Variants in SPDYA observed in about 807,000 individuals in gnomAD.
SPDYA encodes speedy protein A.
Under a neutral mutation model 36.7 loss-of-function variants are expected in SPDYA, and 11 were observed. The observed-to-expected ratio is 0.30, with a 90% CI of 0.19 to 0.50. SPDYA has a LOEUF of 0.50. SPDYA is among the 20% of genes least tolerant of loss of function. SPDYA has a pLI of 0.98. For synonymous variants in SPDYA, 115 were observed against 118.7 expected, an observed-to-expected ratio of 0.97 and a Z score of 0.20; for missense variants, 287 against 370.9, an observed-to-expected ratio of 0.77 and a Z score of 1.86.
At chr2:28,841,703 GT>G (rs915060044) in intron 7 of SPDYA, among the ~76,000 whole-genome samples, 1 of 152,174 alleles carries the variant, frequency 6.6e-6, no homozygotes, top group Non-Finnish European at 1.5e-5. Flanking sequence ...CTCAGTCATT[GT>G]TCCATTTCTT....
chr2:28,846,131 A>G (rs1040416112), intron 7 of SPDYA, among the ~76,000 whole-genome samples: 4 of 151,984 alleles, frequency 2.6e-5, no homozygotes, highest in Non-Finnish European at 5.9e-5. Flanking sequence ...TTGGCTGGGC[A>G]TGGTGGCTCA....
chr2:28,842,451 G>A lies in SPDYA; in HGVS notation c.850+1982G>A, dbSNP rs191723759. ...CAACAGGAAATTTGAGTGCACCTGG[G>A]GAAGAAGGGGCTGTGCCAGTCAGTA... On this transcript the variant is annotated intron_variant, in intron 7 of 7. Transcript: ENST00000334056. Among the ~76,000 whole-genome samples, 8 of 152,286 alleles carry A rather than the reference G, an allele frequency of 5.3e-5. No individual in the cohort carries two copies. In the East Asian group the frequency reaches 9.7e-4, roughly 18 times the overall value.
chr2:28,824,191 G>C (rs1478846666), intron 5 of SPDYA, among the ~76,000 whole-genome samples: 1 of 151,942 alleles, frequency 6.6e-6, no homozygotes, highest in African/African-American at 2.4e-5. Flanking sequence ...AAAGAAATAG[G>C]ACTAGGCTGG....
chr2:28,825,886 T>C (rs1414457224), intron 5 of SPDYA, among the ~76,000 whole-genome samples: 1 of 151,288 alleles, frequency 6.6e-6, no homozygotes, highest in Non-Finnish European at 1.5e-5. Flanking sequence ...CACAGGCACA[T>C]AGCACGACAC....
At chr2:28,813,678 A>C (rs544662316) in intron 1 of SPDYA, among the ~76,000 whole-genome samples, 1 of 150,900 alleles carries the variant, frequency 6.6e-6, no homozygotes, top group South Asian at 2.1e-4. Context: ...CAGCCTCCCC[A>C]GTAGCTGGGA....
chr2:28,845,359 G>C (rs962778744), intron 7 of SPDYA, among the ~76,000 whole-genome samples: 2 of 151,030 alleles, frequency 1.3e-5, no homozygotes, highest in Non-Finnish European at 2.9e-5. Context: ...GCCTCCCAAA[G>C]TGGTGGGGTT....
chr2:28,839,435 CTT>C (rs929721681), intron 6 of SPDYA, among the ~76,000 whole-genome samples: 4 of 152,200 alleles, frequency 2.6e-5, no homozygotes, highest in Non-Finnish European at 5.9e-5. Flanking sequence ...CACCATATCT[CTT>C]GTCATAATTG....
At chr2:28,844,917 A>T (rs977166539) in intron 7 of SPDYA, among the ~76,000 whole-genome samples, 4 of 152,148 alleles carry the variant, frequency 2.6e-5, no homozygotes, top group Middle Eastern at 3.2e-3. Flanking sequence ...TGGGCAACAG[A>T]GTGAGACTCC....
intron 7 of SPDYA, among the ~76,000 whole-genome samples, chr2:28,844,589 C>T (rs1668825096): frequency 1.3e-5 from 2 of 152,110 alleles, no homozygotes; most frequent in Non-Finnish European, 2.9e-5. Context: ...CTAAGGTAGG[C>T]TAGGCTAAGC....
intron 3 of SPDYA, among the ~76,000 whole-genome samples, chr2:28,817,988 C>T (rs913799212): frequency 1.4e-5 from 2 of 147,876 alleles, no homozygotes; most frequent in African/African-American, 5.0e-5. Flanking sequence ...GTGGTGAAAC[C>T]CCCTCTCTAC....
chr2:28,813,209 G>A (rs1667896821), intron 1 of SPDYA, among the ~76,000 whole-genome samples: 1 of 152,162 alleles, frequency 6.6e-6, no homozygotes, highest in African/African-American at 2.4e-5. Context: ...TTCTGAAATT[G>A]TATGGGAAAT....
intron 4 of SPDYA, among the ~76,000 whole-genome samples, chr2:28,819,850 ATATATATATATAT>A (rs1465676649): frequency 2.9e-4 from 2 of 6,898 alleles, no homozygotes; most frequent in Non-Finnish European, 4.6e-4. Flanking sequence ...AAAAAAAAAA[ATATATATATATAT>A]ATATATATAT....
chr2:28,812,564 T>C lies in SPDYA; in HGVS notation c.-93+1617T>C, dbSNP rs1667873369. On this transcript the variant is annotated intron_variant, in intron 1 of 7. Transcript: ENST00000334056. ...ATGTTCATGGAGTCCATATAAAAAT[T>C]CACTGAAGGAGGCCGAGCATGGTGT... Among the ~76,000 whole-genome samples the C allele has an allele frequency of 2.0e-5, 3 of 151,776 alleles. No homozygotes were observed. In the South Asian group the frequency reaches 6.2e-4, roughly 32 times the overall value.
At chr2:28,823,449 G>A (rs968178309) in intron 5 of SPDYA, among the ~76,000 whole-genome samples, 10 of 151,382 alleles carry the variant, frequency 6.6e-5, no homozygotes, top group African/African-American at 2.4e-4. Context: ...ATGGTTGAAA[G>A]CCTGTCTCTA....
intron 4 of SPDYA, among the ~76,000 whole-genome samples, chr2:28,819,906 TA>T: frequency 8.9e-6 from 1 of 112,414 alleles, no homozygotes. Context: ...ATATATATTT[TA>T]TCCTGAGGCA....
At chr2:28,849,731 A>G (rs1333619380) in intron 7 of SPDYA, 119 bp from the exon 8 acceptor site, 1 of 586,132 alleles carries the variant, frequency 1.7e-6, no homozygotes, top group Non-Finnish European at 2.9e-6. Flanking sequence ...GTTTCCCCCC[A>G]TTATTTACTG....
rs372056967 is a variant in SPDYA, at chr2:28,818,440, TAA to T, written c.236-588_236-587del. On this transcript the variant is annotated intron_variant, in intron 3 of 7. Coordinates refer to ENST00000334056, the MANE Select transcript of SPDYA (RefSeq NM_182756.4). ...GCAACATAGTGAGGCCCTGTCTCTT[TAA>T]AAAAAAAAAAAAAAAAAAAGAGAAA... Among the ~76,000 whole-genome samples, 916 of 109,944 alleles carry T rather than the reference TAA, an allele frequency of 8.3e-3. 9 individuals carry two copies. The highest frequency in any genetic ancestry group is 0.027 in the African/African-American group (804 of 29,738). 72.1% of individuals were successfully genotyped at this position (109,944 alleles called of 152,430 possible). A position where few individuals can be genotyped will look rare whatever the true frequency, so the allele number is the denominator to read the frequency against.
At position 28,829,305 on chromosome 2, in the gene SPDYA, C is replaced by T. The variant is rs759759973; in HGVS notation, c.538C>T (p.Arg180Ter). 11 of 1,608,266 alleles carry T rather than the reference C, an allele frequency of 6.8e-6. No homozygotes were observed. Among genetic ancestry groups the T allele is most frequent in the South Asian group, 4.5e-5 (4 of 89,424 alleles). ...TGACTATAGGGCTATTGTAAGCAGGCGATGTTGTGAGGAGGTAAGAATTTT... is the reference window on the plus strand; with the variant it reads ...TGACTATAGGGCTATTGTAAGCAGGTGATGTTGTGAGGAGGTAAGAATTTT... ...RIDYRAIVSRRCCEEVMAIAP... is the reference protein window; with the variant it reads ...RIDYRAIVSR Residue 180 changes from arginine (R) to a stop codon, truncating the protein, a stop_gained, in exon 6 of 8, where the codon CGA (arginine) becomes TGA (stop). Coordinates refer to ENST00000334056, the MANE Select transcript of SPDYA (RefSeq NM_182756.4). LOFTEE classifies it high-confidence loss of function.
intron 4 of SPDYA, among the ~76,000 whole-genome samples, chr2:28,820,360 C>G (rs998854220): frequency 6.6e-6 from 1 of 151,944 alleles, no homozygotes; most frequent in Non-Finnish European, 1.5e-5. Context: ...CTGAGGCGGG[C>G]AGATCACCTG....
Sources: gnomAD v4.1 joint callset for allele counts (sites outside exome capture counted in the v4.1 genomes callset) on GRCh38, gnomAD v4.1.1 for gene constraint, MANE v1.5 for transcripts, NCBI Gene and HGNC (gene_info 2026-07-23, HGNC 2026-07-21) for gene names.